YWHAE: variants seen among roughly 807,000 people sequenced by gnomAD.
YWHAE encodes the protein 14-3-3 protein epsilon.
Under a neutral mutation model 30.1 loss-of-function variants are expected in YWHAE, and 4 were observed. The observed-to-expected ratio is 0.13, with a 90% CI of 0.07 to 0.30. The LOEUF (loss-of-function observed/expected upper bound fraction) is 0.30. YWHAE is among the 10% of genes least tolerant of loss of function. The pLI is 1.00. For synonymous variants in YWHAE, 118 were observed against 111.8 expected, an observed-to-expected ratio of 1.06 and a Z score of -0.35; for missense variants, 121 against 315.9, an observed-to-expected ratio of 0.38 and a Z score of 4.68.
chr17:1,368,563 C>A (rs1323161471), intron 1 of YWHAE, among the ~76,000 whole-genome samples: 48 of 102,392 alleles, frequency 4.7e-4, no homozygotes, highest in African/African-American at 1.0e-3. Flanking sequence ...GACTCTGTCT[C>A]AAAAAAAAAA....
At chr17:1,383,565 T>A (rs1285624211) in intron 1 of YWHAE, among the ~76,000 whole-genome samples, 1 of 72,062 alleles carries the variant, frequency 1.4e-5, no homozygotes, top group Admixed American at 1.7e-4. Context: ...GTTTTTGTAT[T>A]TTTAGTAGAG....
At chr17:1,389,591 C>CG (rs1035705540) in intron 1 of YWHAE, among the ~76,000 whole-genome samples, 3 of 143,002 alleles carry the variant, frequency 2.1e-5, no homozygotes, top group Non-Finnish European at 3.0e-5. Context: ...AGTGCAGTGG[C>CG]GCGATCCTGG....
intron 5 of YWHAE, chr17:1,347,934 A>G (rs1168523433): frequency 9.9e-7 from 1 of 1,006,468 alleles, no homozygotes; most frequent in African/African-American, 1.7e-5. Flanking sequence ...CTGAAAGCGG[A>G]ATTCACTGTG....
chr17:1,377,669 T>C (rs2073145400), intron 1 of YWHAE, among the ~76,000 whole-genome samples: 1 of 152,120 alleles, frequency 6.6e-6, no homozygotes, highest in African/African-American at 2.4e-5. Flanking sequence ...GCTTGCTTTA[T>C]ATAAAGGCTA....
chr17:1,361,068 C>G lies in YWHAE; in HGVS notation c.578+24G>C, dbSNP rs371623019. ...CCCCCCTTAACTTTCACGCTGAGCG[C>G]TGCTGTTCTTCCCCACAACTTACCT... On this transcript the variant is annotated intron_variant, in intron 4 of 5. Transcript: ENST00000264335. 134 of 1,608,240 alleles carry G rather than the reference C, an allele frequency of 8.3e-5. No individual in the cohort carries two copies. The African/African-American group carries it at 1.6e-3, about 20-fold the overall frequency.
chr17:1,395,198 G>A (rs113404654), intron 1 of YWHAE, among the ~76,000 whole-genome samples: 14 of 151,778 alleles, frequency 9.2e-5, no homozygotes, highest in African/African-American at 3.4e-4. Context: ...TTCAAGACCA[G>A]CCTGGCAAAC....
chr17:1,389,133 TTC>T (rs1358718725), intron 1 of YWHAE, among the ~76,000 whole-genome samples: 1 of 152,112 alleles, frequency 6.6e-6, no homozygotes, highest in Non-Finnish European at 1.5e-5. Flanking sequence ...GTCAAGCTAA[TTC>T]TGTTTCTTTT....
intron 1 of YWHAE, among the ~76,000 whole-genome samples, chr17:1,371,794 A>G (rs1194402802): frequency 6.6e-6 from 1 of 151,598 alleles, no homozygotes; most frequent in Non-Finnish European, 1.5e-5. Flanking sequence ...AAATCTGGAT[A>G]ATTTGCTGCA....
intron 1 of YWHAE, among the ~76,000 whole-genome samples, chr17:1,383,516 G>A (rs1355701618): frequency 3.3e-5 from 5 of 149,672 alleles, no homozygotes; most frequent in African/African-American, 1.2e-4. Context: ...GCCCCTACCA[G>A]AAGATGGGAT....
At chr17:1,372,857 G>A (rs2073062092) in intron 1 of YWHAE, among the ~76,000 whole-genome samples, 1 of 152,126 alleles carries the variant, frequency 6.6e-6, no homozygotes, top group Non-Finnish European at 1.5e-5. Flanking sequence ...GGAGGCCGAG[G>A]CAGGAGGATT....
intron 1 of YWHAE, among the ~76,000 whole-genome samples, chr17:1,376,446 A>G (rs538142073): frequency 6.6e-6 from 1 of 152,138 alleles, no homozygotes; most frequent in East Asian, 1.9e-4. Context: ...CCTGCTTAAA[A>G]CGCATTTCTT....
At chr17:1,366,776 T>C (rs1328377051) in intron 1 of YWHAE, among the ~76,000 whole-genome samples, 1 of 152,000 alleles carries the variant, frequency 6.6e-6, no homozygotes, top group Non-Finnish European at 1.5e-5. Context: ...AACCCGTCTC[T>C]ACTAAAAATA....
chr17:1,400,150 A>G lies in YWHAE; in HGVS notation c.-40T>C. 6.2e-7 allele frequency: 1 copy of G among 1,611,854 alleles called. No individual in the cohort carries two copies. The highest frequency in any genetic ancestry group is 8.5e-7 in the Non-Finnish European group (1 of 1,178,090). On this transcript the variant is annotated 5_prime_UTR_variant, in exon 1 of 6. Transcript: ENST00000264335. ...CGGCAGGGTCTGCGCGACGGATGGA[A>G]GCGGATAGTGTCTCCGACTCTCTCA...
chr17:1,394,445 A>AAAAAAAAAAACAAAAAAAAAC (rs2073434759), intron 1 of YWHAE, among the ~76,000 whole-genome samples: 1 of 142,504 alleles, frequency 7.0e-6, no homozygotes, highest in African/African-American at 2.9e-5. Context: ...ACAAAAAAAA[A>AAAAAAAAAAACAAAAAAAAAC]AAAAAAAAAA....
chr17:1,396,027 G>A (rs997569300), intron 1 of YWHAE, among the ~76,000 whole-genome samples: 4 of 152,200 alleles, frequency 2.6e-5, no homozygotes, highest in Non-Finnish European at 5.9e-5. Flanking sequence ...GCTGAGGCAG[G>A]AGAATCGCTT....
At chr17:1,392,185 G>A (rs761917871) in intron 1 of YWHAE, among the ~76,000 whole-genome samples, 1 of 151,642 alleles carries the variant, frequency 6.6e-6, no homozygotes, top group East Asian at 1.9e-4. Context: ...ATCTTGTCTC[G>A]GGAAAAAAGA....
intron 5 of YWHAE, among the ~76,000 whole-genome samples, chr17:1,346,617 A>C (rs1286619552): frequency 6.6e-6 from 1 of 152,230 alleles, no homozygotes; most frequent in Non-Finnish European, 1.5e-5. Flanking sequence ...TCTGCGGCGG[A>C]AACGCTTGAC....
At chr17:1,385,059 A>G (rs190939108) in intron 1 of YWHAE, among the ~76,000 whole-genome samples, 1 of 148,124 alleles carries the variant, frequency 6.8e-6, no homozygotes, top group Admixed American at 6.9e-5. Flanking sequence ...TGCAGTGGCT[A>G]TTCACAGGCA....
At chr17:1,367,340 C>T (rs983583020) in intron 1 of YWHAE, among the ~76,000 whole-genome samples, 1 of 152,168 alleles carries the variant, frequency 6.6e-6, no homozygotes, top group Non-Finnish European at 1.5e-5. Context: ...CAGTGGCTCA[C>T]ATCTGTAATC....
Sources: gnomAD v4.1 joint callset for allele counts (sites outside exome capture counted in the v4.1 genomes callset) on GRCh38, gnomAD v4.1.1 for gene constraint, MANE v1.5 for transcripts, NCBI Gene and HGNC (gene_info 2026-07-23, HGNC 2026-07-21) for gene names.